Variants in UBR4 observed in about 807,000 individuals in gnomAD.
The protein encoded by UBR4 is ubiquitin protein ligase E3 component n-recognin 4, also known as E3 ubiquitin-protein ligase UBR4.
UBR4 carries 124 observed loss-of-function variants against 575.6 expected under a neutral mutation model. The observed-to-expected ratio is 0.22, with a 90% CI of 0.19 to 0.25. The LOEUF is 0.25. UBR4 is among the 10% of genes least tolerant of loss of function. The pLI, the probability that UBR4 is intolerant of heterozygous loss-of-function variation, is 1.00. For synonymous variants in UBR4, 2,455 were observed against 2,473.7 expected (o/e 0.99, Z 0.22); for missense variants, 4,818 against 6,478.8 (o/e 0.74, Z 8.80).
chr1:19,174,115 A>C (rs2089962183), intron 22 of UBR4, among the ~76,000 whole-genome samples: 1 of 152,248 alleles, frequency 6.6e-6, no homozygotes, highest in African/African-American at 2.4e-5. Flanking sequence ...CAGTTCTCTC[A>C]ATGGTAACCA....
chr1:19,121,455 G>A, intron 67 of UBR4, 21 bp from the exon 68 acceptor site: 1 of 1,607,458 alleles, frequency 6.2e-7, no homozygotes, highest in Non-Finnish European at 8.5e-7. Flanking sequence ...AGGAGACAGA[G>A]GCTCACCTCT....
Position 19,112,967 on chromosome 1 carries a change from A to G in UBR4, c.11458-100T>C. ...TTGCTTTAGAAAAAACTTTACATGC[A>G]TTATATAACTTAATCTTCTCAATAA... On this transcript the variant is annotated intron_variant, in intron 77 of 105. Coordinates refer to ENST00000375254, the MANE Select transcript of UBR4 (RefSeq NM_020765.3). The G allele has an allele frequency of 2.4e-6, 3 of 1,226,474 alleles. No individual in the cohort carries two copies. In the South Asian group the frequency reaches 4.5e-5, roughly 18 times the overall value. The allele number at this position is 1,226,474 out of a possible 1,614,324, so 76.0% of individuals were successfully genotyped here. A position where few individuals can be genotyped will look rare whatever the true frequency, so the allele number is the denominator to read the frequency against.
At position 19,110,785 on chromosome 1, in the gene UBR4, T is replaced by C; in HGVS notation, c.11849A>G (p.Lys3950Arg). 6.2e-7 allele frequency: 1 copy of C among 1,614,186 alleles called. No individual in the cohort carries two copies. The highest frequency in any genetic ancestry group is 1.1e-5 in the South Asian group (1 of 91,082). Residue 3950 changes from lysine (K) to arginine (R), a missense_variant, in exon 79 of 106, where the codon AAG becomes AGG. Coordinates refer to ENST00000375254, the MANE Select transcript of UBR4 (RefSeq NM_020765.3). The surrounding 1 kb of genome is among the most constrained non-coding windows in gnomAD (Gnocchi z 4.5). ...TQQMNDLIIG[K>R]VSTALKGHWA... ...GTGGCCCTTCAGGGCTGTGGAGACC[T>C]TGCCAATAATCAGGTCATTCATCTG...
intron 60 of UBR4, among the ~76,000 whole-genome samples, chr1:19,132,047 G>A (rs4319363): frequency 0.085 from 12,860 of 152,150 alleles, 651 homozygotes; most frequent in Non-Finnish European, 0.12. Context: ...ACAGAATTTA[G>A]AAAATAATTT....
At chr1:19,181,779 T>A (rs1490919717) in intron 17 of UBR4, among the ~76,000 whole-genome samples, 1 of 152,238 alleles carries the variant, frequency 6.6e-6, no homozygotes, top group Non-Finnish European at 1.5e-5. Flanking sequence ...TATTTTTGTT[T>A]TACTTTTCTT....
At chr1:19,178,637 G>A (rs76470604) in intron 18 of UBR4, among the ~76,000 whole-genome samples, 1,658 of 152,296 alleles carry the variant, frequency 0.011, 30 homozygotes, top group East Asian at 0.067. Context: ...GGATTTAGAT[G>A]ATTAATCTGA....
chr1:19,110,901 G>A lies in UBR4; in HGVS notation c.11802-69C>T. ...GTGTGACACTCCTTTCCACCTGAAGGGGCCCAGGGAAAATGAAATCAATGT... is the reference window on the plus strand; with the variant it reads ...GTGTGACACTCCTTTCCACCTGAAGAGGCCCAGGGAAAATGAAATCAATGT... On this transcript the variant is annotated intron_variant, in intron 78 of 105. Coordinates refer to ENST00000375254, the MANE Select transcript of UBR4 (RefSeq NM_020765.3). The surrounding 1 kb of genome is among the most constrained non-coding windows in gnomAD (Gnocchi z 4.5). The A allele has an allele frequency of 2.7e-6, 4 of 1,479,592 alleles. No individual in the cohort carries two copies. The highest frequency in any genetic ancestry group is 3.7e-6 in the Non-Finnish European group (4 of 1,082,866). The allele number at this position is 1,479,592 out of a possible 1,614,324, so 91.7% of individuals were successfully genotyped here. A position where few individuals can be genotyped will look rare whatever the true frequency, so the allele number is the denominator to read the frequency against.
At chr1:19,081,615 G>T in intron 102 of UBR4, 42 bp from the exon 103 acceptor site, 3 of 1,602,142 alleles carry the variant, frequency 1.9e-6, no homozygotes, top group Middle Eastern at 1.7e-4. Context: ...CAGGGTGGAA[G>T]CAGGACCCGG....
intron 34 of UBR4, 146 bp downstream of exon 34, chr1:19,163,618 T>C (rs1035452353): frequency 2.1e-6 from 2 of 935,738 alleles, no homozygotes; most frequent in Non-Finnish European, 3.5e-6. Flanking sequence ...AGCAACTACA[T>C]ATTTCCAGTC....
intron 74 of UBR4, among the ~76,000 whole-genome samples, chr1:19,115,157 C>T (rs1034965301): frequency 1.3e-5 from 2 of 151,882 alleles, no homozygotes; most frequent in Non-Finnish European, 2.9e-5. Context: ...TCCGCCCTTA[C>T]CCTCCACCCC....
chr1:19,192,009 T>TA (rs1399501808), intron 11 of UBR4, among the ~76,000 whole-genome samples, 179 bp downstream of exon 11: 1 of 152,158 alleles, frequency 6.6e-6, no homozygotes, highest in African/African-American at 2.4e-5. Context: ...GTGACTTATC[T>TA]AAAAATCACA....
At chr1:19,180,020 G>A (rs1182552821) in intron 17 of UBR4, among the ~76,000 whole-genome samples, 13 of 152,112 alleles carry the variant, frequency 8.5e-5, no homozygotes, top group East Asian at 5.8e-4. Flanking sequence ...AGCAGTTTCC[G>A]TGGACTACAC....
intron 26 of UBR4, among the ~76,000 whole-genome samples, chr1:19,170,362 G>A (rs1233819424): frequency 6.6e-6 from 1 of 152,234 alleles, no homozygotes; most frequent in African/African-American, 2.4e-5. Context: ...TAGCGCCACT[G>A]TACTCCAGCC....
Position 19,198,021 on chromosome 1 carries a change from G to A in UBR4, c.677C>T (p.Ser226Phe). The part of the protein sequence containing the change: ...LVEGENDEQS[S>F]TDQASAIKTK... ...TTTGATAGCTGAGGCTTGATCTGTA[G>A]ATGACTGCTCATCATTTTCTCCTTC... Residue 226 changes from serine to phenylalanine, a missense_variant, in exon 6 of 106, where the codon TCT becomes TTT. This residue lies in a region of UBR4 where 83 missense variants were observed against 77.3 expected (regional missense o/e 1.07). Transcript: ENST00000375254. 1 of 1,614,008 alleles carries A rather than the reference G, an allele frequency of 6.2e-7. No individual in the cohort carries two copies. The highest frequency in any genetic ancestry group is 1.7e-4 in the Middle Eastern group (1 of 6,060).
At chr1:19,205,848 C>T (rs2092979385) in intron 1 of UBR4, among the ~76,000 whole-genome samples, 1 of 152,086 alleles carries the variant, frequency 6.6e-6, no homozygotes. Context: ...GAAACAGAAA[C>T]CTCGAACAGG....
intron 1 of UBR4, among the ~76,000 whole-genome samples, chr1:19,208,836 C>T (rs936094382): frequency 2.0e-5 from 3 of 152,130 alleles, no homozygotes; most frequent in African/African-American, 4.8e-5. Flanking sequence ...ACTGATTCTA[C>T]GTAACATGAG....
chr1:19,164,387 T>C lies in UBR4; in HGVS notation c.4566A>G (p.Ala1522=), dbSNP rs1571321696. 6.2e-7 allele frequency: 1 copy of C among 1,614,174 alleles called. No homozygotes were observed. Among genetic ancestry groups the C allele is most frequent in the Non-Finnish European group, 8.5e-7 (1 of 1,180,026 alleles). Residue 1522 remains alanine (A), a synonymous_variant, in exon 33 of 106, where the codon GCA becomes GCG. Transcript: ENST00000375254. ...CATCACCGTTGGCCAGCATCTCTGT[T>C]GCCATGGGAGTCAGGGTGCCCAGAA... ...AVLLGTLTPM[A]TEMLANGDGT...
rs1371132454 is a variant in UBR4 at position 19,122,846 on chromosome 1, G to A, written c.9803C>T (p.Thr3268Ile). ...CAGCCCTCGTACCAGGCTGATGAGT[G>A]TGTCATATTGCAAGGCGGAGCCTGA... ...ASSGSALQYD[T>I]LISLMEHLKA... Residue 3268 changes from threonine (T) to isoleucine (I), a missense_variant, in exon 66 of 106, where the codon ACA becomes ATA. Transcript: ENST00000375254. 6.2e-7 allele frequency: 1 copy of A among 1,614,244 alleles called. No individual in the cohort carries two copies.
chr1:19,192,080 G>A (rs1307430757), intron 11 of UBR4, 108 bp downstream of exon 11: 2 of 1,293,738 alleles, frequency 1.5e-6, no homozygotes, highest in Non-Finnish European at 2.1e-6. Context: ...TTCAAGCCAG[G>A]TAGGAAGGCA....
Sources: gnomAD v4.1 joint callset for allele counts (sites outside exome capture counted in the v4.1 genomes callset) on GRCh38, gnomAD v4.1.1 for gene constraint, gnomAD v4.1.1 regional missense constraint, Gnocchi (gnomAD v3.1) non-coding constraint, MANE v1.5 for transcripts, NCBI Gene and HGNC (gene_info 2026-07-23, HGNC 2026-07-21) for gene names.